Variants in CCDC181 observed in about 807,000 individuals in gnomAD.
The protein encoded by CCDC181 is coiled-coil domain containing 181.
Under a neutral mutation model 58.7 loss-of-function variants are expected in CCDC181, and 35 were observed. That is an observed-to-expected ratio of 0.60 (90% confidence interval 0.46 to 0.79). The LOEUF is 0.79. Ranked by LOEUF, CCDC181 falls within the 30% of genes least tolerant of loss-of-function variation. The pLI, the probability that CCDC181 is intolerant of heterozygous loss-of-function variation, is 0.00. For missense variants in CCDC181, 517 were observed against 583.9 expected (o/e 0.89, Z 1.18); for synonymous variants, 183 against 197.5 (o/e 0.93, Z 0.62).
chr1:169,460,528 G>C (rs1657817010), exon 1 of CCDC181: 1 of 152,404 alleles, frequency 6.6e-6, no homozygotes, highest in Non-Finnish European at 1.5e-5. Context: ...CGCACGCGGA[G>C]AAGGGGTAGG....
chr1:169,447,286 A>C (rs1268618432), intron 2 of CCDC181, among the ~76,000 whole-genome samples: 2 of 152,002 alleles, frequency 1.3e-5, no homozygotes, highest in Non-Finnish European at 2.9e-5. Context: ...ATAATTTTTG[A>C]AATTTTAGTA....
At chr1:169,405,657 C>A (rs963576116) in intron 4 of CCDC181, among the ~76,000 whole-genome samples, 2 of 152,120 alleles carry the variant, frequency 1.3e-5, no homozygotes, top group African/African-American at 4.8e-5. Context: ...AAAATTAATT[C>A]AAGATGGATT....
chr1:169,407,344 T>C (rs912901261), intron 4 of CCDC181, among the ~76,000 whole-genome samples: 5 of 152,220 alleles, frequency 3.3e-5, no homozygotes, highest in Non-Finnish European at 7.3e-5. Flanking sequence ...TTTAAAATGC[T>C]GCAGGGGAAA....
At chr1:169,423,233 G>A (rs1656566086) in intron 2 of CCDC181, among the ~76,000 whole-genome samples, 1 of 151,772 alleles carries the variant, frequency 6.6e-6, no homozygotes. Context: ...ATAGTCAGAT[G>A]TCTAATAAGC....
At chr1:169,448,765 C>T (rs1483760251) in intron 2 of CCDC181, among the ~76,000 whole-genome samples, 1 of 152,106 alleles carries the variant, frequency 6.6e-6, no homozygotes, top group Non-Finnish European at 1.5e-5. Context: ...GTCCCATTCA[C>T]TCCTTCTTCT....
At chr1:169,434,427 C>T (rs1206404190) in intron 2 of CCDC181, among the ~76,000 whole-genome samples, 2 of 151,816 alleles carry the variant, frequency 1.3e-5, no homozygotes, top group African/African-American at 4.8e-5. Flanking sequence ...AATCCCATTT[C>T]CGAGCATATA....
At position 169,450,827 on chromosome 1, in the gene CCDC181, A is replaced by C. The variant is rs1052476792; in HGVS notation, c.-24+8970T>G. Among the ~76,000 whole-genome samples, 4 of 152,308 alleles carry C rather than the reference A, an allele frequency of 2.6e-5. No individual in the cohort carries two copies. The South Asian group carries it at 8.3e-4, about 32-fold the overall frequency. ...GGTATTTTCTGCTTTTTTTGTTACAACCATTCTAGTGAATGTATACTGCTA... is the reference window on the plus strand; with the variant it reads ...GGTATTTTCTGCTTTTTTTGTTACACCCATTCTAGTGAATGTATACTGCTA... On this transcript the variant is annotated intron_variant, in intron 2 of 6. Transcript: ENST00000545005.
intron 4 of CCDC181, among the ~76,000 whole-genome samples, chr1:169,414,625 C>T (rs183433553): frequency 2.6e-5 from 4 of 152,110 alleles, no homozygotes; most frequent in East Asian, 3.9e-4. Context: ...TTCAAAACAA[C>T]GTTGGAAAGA....
intron 2 of CCDC181, among the ~76,000 whole-genome samples, chr1:169,453,370 T>C (rs1370822816): frequency 6.6e-6 from 1 of 152,136 alleles, no homozygotes; most frequent in Non-Finnish European, 1.5e-5. Flanking sequence ...AATAGTAATG[T>C]ATGTGAAACT....
intron 5 of CCDC181, 58 bp from the exon 6 acceptor site, chr1:169,395,264 C>A: frequency 7.0e-7 from 1 of 1,420,622 alleles, no homozygotes; most frequent in Middle Eastern, 1.8e-4. Flanking sequence ...ACTCTTCATG[C>A]TATAAAGTTA....
intron 4 of CCDC181, among the ~76,000 whole-genome samples, chr1:169,403,015 G>C (rs1156371636): frequency 1.1e-5 from 1 of 87,530 alleles, no homozygotes; most frequent in Admixed American, 1.3e-4. Flanking sequence ...TGCAATCCTA[G>C]TCTCTGAAAA....
intron 2 of CCDC181, among the ~76,000 whole-genome samples, chr1:169,447,517 A>G (rs1282750398): frequency 6.6e-6 from 1 of 152,190 alleles, no homozygotes; most frequent in African/African-American, 2.4e-5. Context: ...AGTATTCTAT[A>G]AATTTCAATT....
At chr1:169,407,050 T>A (rs1319925883) in intron 4 of CCDC181, among the ~76,000 whole-genome samples, 1 of 89,306 alleles carries the variant, frequency 1.1e-5, no homozygotes, top group Non-Finnish European at 2.3e-5. Flanking sequence ...AGAAAAAAGA[T>A]GAGGCAGAAA....
In CCDC181 at chr1:169,394,923, T is replaced by C. The variant is rs1170103683; in HGVS notation, c.*124A>G. 1 of 882,206 alleles carries C rather than the reference T, an allele frequency of 1.1e-6. No individual in the cohort carries two copies. The highest frequency in any genetic ancestry group is 1.6e-6 in the Non-Finnish European group (1 of 621,556). The allele number at this position is 882,206 out of a possible 1,614,324, so 54.6% of individuals were successfully genotyped here. On this transcript the variant is annotated 3_prime_UTR_variant, in exon 6 of 6. Transcript: ENST00000367806. ...TTGTTCTAGTATTAAAAAAACAAAT[T>C]CACTGTCAATAAAAGATAAATACCA...
chr1:169,439,597 T>G (rs1657154483), intron 2 of CCDC181, among the ~76,000 whole-genome samples: 1 of 152,012 alleles, frequency 6.6e-6, no homozygotes, highest in Non-Finnish European at 1.5e-5. Flanking sequence ...CGGGGTGTGT[T>G]ACAATTAATG....
intron 2 of CCDC181, among the ~76,000 whole-genome samples, chr1:169,440,207 A>G (rs1346747132): frequency 1.3e-5 from 2 of 152,130 alleles, no homozygotes; most frequent in Non-Finnish European, 2.9e-5. Flanking sequence ...TAGAGAGAGT[A>G]CCAGAGTCAG....
chr1:169,450,802 G>A (rs1332655604), intron 2 of CCDC181, among the ~76,000 whole-genome samples: 1 of 152,002 alleles, frequency 6.6e-6, no homozygotes, highest in Non-Finnish European at 1.5e-5. Context: ...GTTAATACTT[G>A]GTATTTTCTG....
At chr1:169,410,657 C>G (rs752362985) in intron 4 of CCDC181, among the ~76,000 whole-genome samples, 15 of 152,132 alleles carry the variant, frequency 9.9e-5, no homozygotes, top group African/African-American at 1.4e-4. Context: ...CACTCCTCAG[C>G]AAATGCAAAA....
intron 2 of CCDC181, among the ~76,000 whole-genome samples, chr1:169,433,381 T>TA (rs1656970435): frequency 6.6e-6 from 1 of 152,066 alleles, no homozygotes; most frequent in East Asian, 1.9e-4. Flanking sequence ...CCAAAGTAGA[T>TA]ATGCAGATTC....
Sources: allele counts gnomAD v4.1 joint callset (sites outside exome capture counted in the v4.1 genomes callset), GRCh38; gene constraint gnomAD v4.1.1; transcripts MANE v1.5; gene names NCBI Gene and HGNC (gene_info 2026-07-23, HGNC 2026-07-21).